MYO5B: variants seen among roughly 807,000 people sequenced by gnomAD.
MYO5B encodes myosin VB, also known as unconventional myosin-Vb.
In MYO5B, 143 loss-of-function variants were observed where a neutral mutation model predicts 229.3. The ratio of observed to expected loss-of-function variants is 0.62; its 90% CI spans 0.54 to 0.72. The LOEUF is 0.72. MYO5B is among the 30% of genes least tolerant of loss of function. The pLI is 0.00. For synonymous variants in MYO5B, 918 were observed against 885.2 expected (o/e 1.04, Z -0.66); for missense variants, 2,321 against 2,331.0 (o/e 1.00, Z 0.09).
At chr18:50,174,295 C>T (rs759207702) in intron 1 of MYO5B, among the ~76,000 whole-genome samples, 1 of 152,148 alleles carries the variant, frequency 6.6e-6, no homozygotes, top group Non-Finnish European at 1.5e-5. Context: ...GCTACTGAGC[C>T]TCCAGGAAAA....
chr18:49,926,170 TG>T (rs1243746576), intron 17 of MYO5B, among the ~76,000 whole-genome samples: 1 of 152,224 alleles, frequency 6.6e-6, no homozygotes, highest in Non-Finnish European at 1.5e-5. Context: ...TGGGACCCGC[TG>T]GGTTTTGAAA....
At chr18:49,915,475 G>A (rs2025003542) in intron 17 of MYO5B, among the ~76,000 whole-genome samples, 1 of 152,232 alleles carries the variant, frequency 6.6e-6, no homozygotes. Flanking sequence ...CCCTTCAGAA[G>A]GAAGGGCGCA....
At chr18:49,843,102 C>T in intron 34 of MYO5B, 139 bp downstream of exon 34, 1 of 1,109,378 alleles carries the variant, frequency 9.0e-7, no homozygotes, top group Non-Finnish European at 1.3e-6. Flanking sequence ...TATATGGATG[C>T]TTCTGTGGCT....
At chr18:50,151,851 T>C (rs964035864) in intron 1 of MYO5B, among the ~76,000 whole-genome samples, 3 of 152,092 alleles carry the variant, frequency 2.0e-5, no homozygotes, top group Non-Finnish European at 2.9e-5. Context: ...ACCCATTTCT[T>C]TGGGGGCAGG....
chr18:50,146,124 A>G (rs2032498596), intron 1 of MYO5B, among the ~76,000 whole-genome samples: 1 of 152,218 alleles, frequency 6.6e-6, no homozygotes. Context: ...ATTTTGCAGC[A>G]CACTTGCAGG....
At chr18:50,021,577 A>G (rs2026275176) in intron 4 of MYO5B, among the ~76,000 whole-genome samples, 1 of 152,146 alleles carries the variant, frequency 6.6e-6, no homozygotes, top group Non-Finnish European at 1.5e-5. Context: ...AGTATTAAAG[A>G]TCAGTTTGGG....
intron 18 of MYO5B, among the ~76,000 whole-genome samples, chr18:49,909,297 T>C (rs886243778): frequency 6.6e-6 from 1 of 152,230 alleles, no homozygotes; most frequent in Admixed American, 6.5e-5. Flanking sequence ...TTAGTGTCTC[T>C]ATTCAGTCTC....
chr18:50,074,666 T>C (rs2031036861), intron 1 of MYO5B, among the ~76,000 whole-genome samples: 1 of 152,196 alleles, frequency 6.6e-6, no homozygotes, highest in African/African-American at 2.4e-5. Flanking sequence ...TGAAGAGCTT[T>C]TCCCGACCAA....
chr18:49,913,738 C>A (rs1220301422), intron 17 of MYO5B, among the ~76,000 whole-genome samples: 2 of 152,026 alleles, frequency 1.3e-5, no homozygotes, highest in African/African-American at 4.8e-5. Flanking sequence ...CAAAAAGTTG[C>A]CTTTTGGCCC....
intron 1 of MYO5B, among the ~76,000 whole-genome samples, chr18:50,186,702 T>C (rs565166341): frequency 8.5e-5 from 13 of 152,288 alleles, no homozygotes; most frequent in African/African-American, 3.1e-4. Flanking sequence ...CAACACTATG[T>C]TAGACAAGCA....
intron 2 of MYO5B, among the ~76,000 whole-genome samples, chr18:50,040,657 A>G (rs2029986076): frequency 6.6e-6 from 1 of 152,096 alleles, no homozygotes; most frequent in South Asian, 2.1e-4. Flanking sequence ...GATTGGCCCC[A>G]TTTATTGCTG....
chr18:50,105,735 G>T (rs1387870916), intron 1 of MYO5B, among the ~76,000 whole-genome samples: 1 of 151,864 alleles, frequency 6.6e-6, no homozygotes, highest in East Asian at 1.9e-4. Context: ...GAAAACCACT[G>T]CTCTAGAACA....
rs368083976 is a variant in MYO5B, at chr18:50,128,615, T to C, written c.27+66152A>G. 7.9e-4 allele frequency among the ~76,000 whole-genome samples: 121 copies of C among 152,302 alleles called. 1 individual carries two copies. Among genetic ancestry groups the C allele is most frequent in the South Asian group, 6.8e-3 (33 of 4,824 alleles). On this transcript the variant is annotated intron_variant, in intron 1 of 39. Coordinates refer to ENST00000285039, the MANE Select transcript of MYO5B (RefSeq NM_001080467.3). ...GAGAACAGAGGACTCTCACACTCCC[T>C]TGGATTTATCAACAGCTCGGAGAGC...
chr18:50,126,238 A>T (rs961269888), intron 1 of MYO5B, among the ~76,000 whole-genome samples: 4 of 152,260 alleles, frequency 2.6e-5, no homozygotes, highest in Non-Finnish European at 5.9e-5. Context: ...AAAAACAAAC[A>T]ACCCTGAAAC....
chr18:50,086,257 T>G (rs1013391437), intron 1 of MYO5B, among the ~76,000 whole-genome samples: 2 of 152,150 alleles, frequency 1.3e-5, no homozygotes, highest in African/African-American at 4.8e-5. Flanking sequence ...GCCTTTTCTC[T>G]TTCCCAAAAG....
chr18:49,869,202 A>T (rs1192356049), intron 27 of MYO5B, among the ~76,000 whole-genome samples: 1 of 152,170 alleles, frequency 6.6e-6, no homozygotes, highest in African/African-American at 2.4e-5. Context: ...TTCAGGAGGG[A>T]TGTGCACAGC....
chr18:49,951,267 T>C (rs2025428321), intron 14 of MYO5B, among the ~76,000 whole-genome samples: 1 of 152,202 alleles, frequency 6.6e-6, no homozygotes, highest in Non-Finnish European at 1.5e-5. Context: ...ATTATAGCCA[T>C]AACTATATGC....
chr18:50,093,320 C>A (rs191722909), intron 1 of MYO5B, among the ~76,000 whole-genome samples: 260 of 152,156 alleles, frequency 1.7e-3, no homozygotes, highest in Middle Eastern at 3.4e-3. Flanking sequence ...AATGGATGAA[C>A]CCTCGAGAGC....
chr18:49,948,766 AAGC>A (rs1202540354), intron 14 of MYO5B, among the ~76,000 whole-genome samples: 1 of 148,020 alleles, frequency 6.8e-6, no homozygotes, highest in African/African-American at 2.6e-5. Flanking sequence ...GTCAAGCCAT[AAGC>A]AGCAGGAGGG....
Sources: gnomAD v4.1 joint callset for allele counts (sites outside exome capture counted in the v4.1 genomes callset) on GRCh38, gnomAD v4.1.1 for gene constraint, MANE v1.5 for transcripts, NCBI Gene and HGNC (gene_info 2026-07-23, HGNC 2026-07-21) for gene names.